Variants in CPNE4 observed in about 807,000 individuals in gnomAD.
CPNE4 encodes copine 4, also known as copine-4.
CPNE4 carries 25 observed loss-of-function variants against 67.9 expected under a neutral mutation model. That is an observed-to-expected ratio of 0.37 (90% CI 0.27 to 0.51). The LOEUF (loss-of-function observed/expected upper bound fraction) is 0.51. CPNE4 is among the 20% of genes least tolerant of loss of function. The probability of loss-of-function intolerance (pLI) is 0.93; values close to 1 mark genes in which losing one functional copy is unlikely to be tolerated. For synonymous variants in CPNE4, 242 were observed against 244.9 expected (o/e 0.99, Z 0.11); for missense variants, 464 against 690.8 (o/e 0.67, Z 3.68).
intron 2 of CPNE4, among the ~76,000 whole-genome samples, chr3:131,748,852 C>G (rs1442628219): frequency 2.0e-5 from 3 of 151,972 alleles, no homozygotes; most frequent in Non-Finnish European, 1.5e-5. Flanking sequence ...TGTCTTCTCT[C>G]TTTTTTTATT....
intron 1 of CPNE4, among the ~76,000 whole-genome samples, chr3:131,940,468 A>G (rs2071354063): frequency 6.6e-6 from 1 of 152,152 alleles, no homozygotes; most frequent in South Asian, 2.1e-4. Context: ...TATAAAAAGC[A>G]TAATAAAATA....
chr3:131,625,970 A>T (rs2079062548), intron 7 of CPNE4, among the ~76,000 whole-genome samples: 1 of 152,144 alleles, frequency 6.6e-6, no homozygotes, highest in Non-Finnish European at 1.5e-5. Flanking sequence ...TATTATGGTG[A>T]TCTGTGATCA....
intron 1 of CPNE4, among the ~76,000 whole-genome samples, chr3:132,024,446 A>G (rs2074073133): frequency 1.3e-5 from 2 of 152,052 alleles, no homozygotes; most frequent in African/African-American, 4.8e-5. Context: ...TTGAGCACCT[A>G]TGTTTTAGTG....
chr3:132,013,963 G>A lies in CPNE4; in HGVS notation c.-2+20604C>T, dbSNP rs534347627. Among the ~76,000 whole-genome samples, 107 of 152,222 alleles carry A rather than the reference G, an allele frequency of 7.0e-4. 1 individual carries two copies. In the South Asian group the frequency reaches 0.022, roughly 31 times the overall value. ...AATATAGGTGATCAATAAGTATTTG[G>A]GGTTGTCAGTAGTGACTCTGAGAGG... On this transcript the variant is annotated intron_variant, in intron 1 of 15. Transcript: ENST00000429747.
intron 7 of CPNE4, among the ~76,000 whole-genome samples, chr3:131,647,518 ATTGTCCAGGGAACAGATTT>A (rs1333331533): frequency 6.6e-6 from 1 of 152,158 alleles, no homozygotes; most frequent in Non-Finnish European, 1.5e-5. Flanking sequence ...GCCCCATCTA[ATTGTCCAGGGAACAGATTT>A]TTGGATCTAA....
Position 131,999,241 on chromosome 3 carries a change from T to TAAAAAAAAAAAAA in CPNE4, c.-2+35313_-2+35325dup, listed in dbSNP as rs79127364. Among the ~76,000 whole-genome samples, 907 of 98,712 alleles carry TAAAAAAAAAAAAA rather than the reference T, an allele frequency of 9.2e-3. 84 individuals are homozygous for TAAAAAAAAAAAAA. Among genetic ancestry groups the TAAAAAAAAAAAAA allele is most frequent in the East Asian group, 0.023 (87 of 3,796 alleles). The allele number at this position is 98,712 out of a possible 152,430, so 64.8% of individuals were successfully genotyped here. ...CTCAATTATAGGTATTTATCCAAGGTAAAAAAAAAAAAAAAAAAAAAAAGA... is the reference window on the plus strand; with the variant it reads ...CTCAATTATAGGTATTTATCCAAGGTAAAAAAAAAAAAAAAAAAAAAAAAAAAAAAAAAAAAGA... On this transcript the variant is annotated intron_variant, in intron 1 of 15. Transcript: ENST00000429747.
chr3:131,884,665 G>A (rs2087809403), intron 2 of CPNE4, among the ~76,000 whole-genome samples: 1 of 152,168 alleles, frequency 6.6e-6, no homozygotes, highest in African/African-American at 2.4e-5. Context: ...TGTTGTGGGA[G>A]GGACCTGGTG....
At chr3:131,606,765 C>T (rs1939532763) in intron 7 of CPNE4, among the ~76,000 whole-genome samples, 1 of 151,926 alleles carries the variant, frequency 6.6e-6, no homozygotes, top group Admixed American at 6.6e-5. Flanking sequence ...CTGGCTGGGA[C>T]CTTATGTAGA....
At chr3:131,727,680 A>G (rs1560192967) in intron 2 of CPNE4, among the ~76,000 whole-genome samples, 1 of 152,214 alleles carries the variant, frequency 6.6e-6, no homozygotes, top group Non-Finnish European at 1.5e-5. Context: ...TTGTGAAAAC[A>G]TCACCACAAT....
chr3:131,951,157 T>A (rs1390418546), intron 1 of CPNE4, among the ~76,000 whole-genome samples: 2 of 152,242 alleles, frequency 1.3e-5, no homozygotes, highest in Non-Finnish European at 2.9e-5. Context: ...AAAGAATTAC[T>A]ATCTTCTATG....
intron 7 of CPNE4, among the ~76,000 whole-genome samples, chr3:131,635,299 T>C (rs1279759896): frequency 1.3e-5 from 2 of 152,234 alleles, no homozygotes; most frequent in African/African-American, 2.4e-5. Flanking sequence ...ATAATCACTT[T>C]TGGAGTGGTC....
chr3:131,799,323 A>G (rs1367708266), intron 2 of CPNE4, among the ~76,000 whole-genome samples: 1 of 152,154 alleles, frequency 6.6e-6, no homozygotes, highest in African/African-American at 2.4e-5. Flanking sequence ...TACCACTATT[A>G]TAATCTCATT....
chr3:131,905,097 ACAACATCAAAACAG>A (rs2088694143), intron 2 of CPNE4, among the ~76,000 whole-genome samples, 153 bp downstream of exon 2: 1 of 152,180 alleles, frequency 6.6e-6, no homozygotes, highest in South Asian at 2.1e-4. Flanking sequence ...CAAAATATCC[ACAACATCAAAACAG>A]CAACATCAAA....
chr3:131,702,792 A>G (rs916410435), intron 3 of CPNE4, among the ~76,000 whole-genome samples: 2 of 152,226 alleles, frequency 1.3e-5, no homozygotes, highest in African/African-American at 4.8e-5. Context: ...ATCTAGAAAT[A>G]CCAATGTTCC....
intron 7 of CPNE4, among the ~76,000 whole-genome samples, chr3:131,632,891 C>G (rs1161295786): frequency 6.6e-6 from 1 of 152,158 alleles, no homozygotes; most frequent in African/African-American, 2.4e-5. Context: ...CCACTAGATG[C>G]CCATAGCACT....
At chr3:131,542,123 C>T (rs1387441432) in intron 15 of CPNE4, among the ~76,000 whole-genome samples, 3 of 152,186 alleles carry the variant, frequency 2.0e-5, no homozygotes, top group Non-Finnish European at 2.9e-5. Flanking sequence ...TGCCAGGCCA[C>T]ATAGCTTGAC....
At chr3:131,593,840 T>C (rs192449733) in intron 7 of CPNE4, among the ~76,000 whole-genome samples, 1 of 152,290 alleles carries the variant, frequency 6.6e-6, no homozygotes, top group African/African-American at 2.4e-5. Context: ...GCCTCCCAAG[T>C]AGCTGGGACT....
At chr3:132,006,230 C>T (rs1328629107) in intron 1 of CPNE4, among the ~76,000 whole-genome samples, 1 of 152,058 alleles carries the variant, frequency 6.6e-6, no homozygotes, top group Non-Finnish European at 1.5e-5. Flanking sequence ...CATGGCTATG[C>T]AGGAGTCAAT....
intron 13 of CPNE4, among the ~76,000 whole-genome samples, chr3:131,552,151 T>A (rs1936216749): frequency 1.3e-5 from 2 of 150,986 alleles, no homozygotes; most frequent in South Asian, 4.2e-4. Flanking sequence ...AAGTTTCATT[T>A]ATTATTATTA....
Sources: allele counts gnomAD v4.1 joint callset (sites outside exome capture counted in the v4.1 genomes callset), GRCh38; gene constraint gnomAD v4.1.1; transcripts MANE v1.5; gene names NCBI Gene and HGNC (gene_info 2026-07-23, HGNC 2026-07-21).